Variants in AACS observed in about 807,000 individuals in gnomAD.
The protein encoded by AACS is acetoacetate-CoA ligase.
Under a neutral mutation model 83.1 loss-of-function variants are expected in AACS, and 69 were observed. That is an observed-to-expected ratio of 0.83 (90% CI 0.68 to 1.01). The LOEUF is 1.01. Ranked by LOEUF, AACS falls within the 50% of genes least tolerant of loss-of-function variation. The probability of loss-of-function intolerance (pLI) is 0.00; values close to 1 mark genes in which losing one functional copy is unlikely to be tolerated. For missense variants in AACS, 866 were observed against 882.2 expected (o/e 0.98, Z 0.23); for synonymous variants, 333 against 343.4 (o/e 0.97, Z 0.33).
intron 10 of AACS, chr12:125,123,868 C>G (rs1385820845): frequency 6.6e-6 from 1 of 152,174 alleles, no homozygotes; most frequent in African/African-American, 2.4e-5. Flanking sequence ...ACAGGGCTGC[C>G]CTTGAAAGCG....
rs71092270 is a variant in AACS, at chr12:125,078,820, C to CAAAA, written c.358+2231_358+2234dup. Among the ~76,000 whole-genome samples the CAAAA allele has an allele frequency of 5.4e-4, 28 of 52,044 alleles. 1 individual carries two copies. The highest frequency in any genetic ancestry group is 1.0e-3 in the South Asian group (1 of 976). 34.1% of individuals were successfully genotyped at this position (52,044 alleles called of 152,430 possible). On this transcript the variant is annotated intron_variant, in intron 3 of 17. Coordinates refer to ENST00000316519, the MANE Select transcript of AACS (RefSeq NM_023928.5). Reference sequence around the variant, plus strand: ...TGGGCGACAGAGCAAGACTCCGTCTCAAAAAAAAAAAAAAAAAAAAAAAAA... The same window carrying CAAAA: ...TGGGCGACAGAGCAAGACTCCGTCTCAAAAAAAAAAAAAAAAAAAAAAAAAAAAA...
At chr12:125,102,563 C>T in intron 5 of AACS, 116 bp from the exon 6 acceptor site, 1 of 854,948 alleles carries the variant, frequency 1.2e-6, no homozygotes. Flanking sequence ...CTCCTGGGCT[C>T]AAGCAATCCT....
chr12:125,080,821 A>C (rs1594582719), intron 3 of AACS, among the ~76,000 whole-genome samples: 1 of 151,310 alleles, frequency 6.6e-6, no homozygotes, highest in East Asian at 1.9e-4. Flanking sequence ...CCTCCCGAGT[A>C]GCTGGGACTA....
At chr12:125,111,766 T>G (rs958796400) in intron 8 of AACS, among the ~76,000 whole-genome samples, 2 of 152,194 alleles carry the variant, frequency 1.3e-5, no homozygotes, top group African/African-American at 4.8e-5. Context: ...ATTACTCTCC[T>G]GCGCTGAGAC....
chr12:125,085,501 C>T, intron 3 of AACS, among the ~76,000 whole-genome samples: 1 of 152,062 alleles, frequency 6.6e-6, no homozygotes, highest in Admixed American at 6.5e-5. Context: ...CACGTTGCAT[C>T]CACATGTGTT....
intron 8 of AACS, among the ~76,000 whole-genome samples, chr12:125,109,485 G>T (rs542862370): frequency 6.6e-6 from 1 of 152,280 alleles, no homozygotes; most frequent in South Asian, 2.1e-4. Flanking sequence ...ATATACACAT[G>T]TTGTTATTTT....
chr12:125,112,551 G>GCACA (rs1956975868), intron 8 of AACS, among the ~76,000 whole-genome samples: 1 of 151,956 alleles, frequency 6.6e-6, no homozygotes, highest in Non-Finnish European at 1.5e-5. Flanking sequence ...ATGGTGGTGT[G>GCACA]TGCCTGTAGT....
chr12:125,131,244 C>T (rs923351800), intron 14 of AACS, among the ~76,000 whole-genome samples: 3 of 152,140 alleles, frequency 2.0e-5, no homozygotes, highest in South Asian at 2.1e-4. Context: ...ACAAGGTCTC[C>T]GTCTGGCCCC....
chr12:125,099,254 G>A (rs959046884), intron 5 of AACS, among the ~76,000 whole-genome samples: 4 of 152,130 alleles, frequency 2.6e-5, no homozygotes, highest in African/African-American at 7.2e-5. Context: ...GTCTTTCTCC[G>A]ACTTCTGTAA....
At chr12:125,120,319 C>G (rs964223572) in intron 10 of AACS, 15 of 152,146 alleles carry the variant, frequency 9.9e-5, no homozygotes, top group African/African-American at 3.6e-4. Flanking sequence ...TAGAAGTTGC[C>G]AGAGCTCCAG....
chr12:125,081,273 C>T (rs115557926), intron 3 of AACS, among the ~76,000 whole-genome samples: 1,542 of 152,314 alleles, frequency 0.01, 22 homozygotes, highest in African/African-American at 0.036. Flanking sequence ...GGATTACAGG[C>T]GTGAACCACC....
At chr12:125,086,551 A>C (rs1484849028) in intron 4 of AACS, 108 bp downstream of exon 4, 20 of 1,003,928 alleles carry the variant, frequency 2.0e-5, no homozygotes, top group Non-Finnish European at 2.0e-5. Context: ...GTCATATTAC[A>C]TGGAACCTTG....
chr12:125,109,095 A>G (rs1956895483), intron 8 of AACS, among the ~76,000 whole-genome samples: 1 of 152,032 alleles, frequency 6.6e-6, no homozygotes, highest in Non-Finnish European at 1.5e-5. Context: ...GAATTCTTCC[A>G]TTGTTGACAT....
In AACS at chr12:125,102,674, T is replaced by C; in HGVS notation, c.571-5T>C. On this transcript the variant is annotated splice_polypyrimidine_tract_variant and splice_region_variant and intron_variant, in intron 5 of 17. Coordinates refer to ENST00000316519, the MANE Select transcript of AACS (RefSeq NM_023928.5). ...TCAATGATGACTTTTTCCTCCTGCTTTCAGGGTGTGCTGGACCGGTTTTCT... is the reference window on the plus strand; with the variant it reads ...TCAATGATGACTTTTTCCTCCTGCTCTCAGGGTGTGCTGGACCGGTTTTCT... 1.2e-6 allele frequency: 2 copies of C among 1,613,660 alleles called. No individual in the cohort carries two copies. The highest frequency in any genetic ancestry group is 1.7e-6 in the Non-Finnish European group (2 of 1,179,638).
At position 125,097,131 on chromosome 12, in the gene AACS, G is replaced by A. The variant is rs1003779497; in HGVS notation, c.571-5548G>A. Among the ~76,000 whole-genome samples, 1 of 152,124 alleles carries A rather than the reference G, an allele frequency of 6.6e-6. No homozygotes were observed. Among genetic ancestry groups the A allele is most frequent in the African/African-American group, 2.4e-5 (1 of 41,432 alleles). ...TGCGGAGTAAATGCTGGTGGGACCG[G>A]GGTGCCACCTGCCTGCAGACTCGGC... On this transcript the variant is annotated intron_variant, in intron 5 of 17. Coordinates refer to ENST00000316519, the MANE Select transcript of AACS (RefSeq NM_023928.5). This position sits in a 1 kb window ranked among gnomAD's most constrained non-coding sequence, Gnocchi z 4.3.
chr12:125,118,587 G>A (rs968056309), intron 9 of AACS, 54 bp from the exon 10 acceptor site: 13 of 1,604,734 alleles, frequency 8.1e-6, no homozygotes, highest in African/African-American at 5.3e-5. Context: ...AGGGGGCAGC[G>A]CTGGGGGGAG....
At chr12:125,131,128 G>T (rs955963371) in intron 14 of AACS, among the ~76,000 whole-genome samples, 2 of 152,208 alleles carry the variant, frequency 1.3e-5, no homozygotes, top group Non-Finnish European at 2.9e-5. Context: ...AACAGGCCGT[G>T]TGCTGGTATG....
Position 125,142,379 on chromosome 12 carries a change from G to A in AACS, c.*150G>A. ...TGGGGAGGGATCGTTTCTCTGTTTTGTTAAATCTGGTGGGTACCTGGATCT... is the reference window on the plus strand; with the variant it reads ...TGGGGAGGGATCGTTTCTCTGTTTTATTAAATCTGGTGGGTACCTGGATCT... On this transcript the variant is annotated 3_prime_UTR_variant, in exon 18 of 18. Transcript: ENST00000316519. 1 of 1,124,210 alleles carries A rather than the reference G, an allele frequency of 8.9e-7. No individual in the cohort carries two copies. The highest frequency in any genetic ancestry group is 1.2e-6 in the Non-Finnish European group (1 of 810,798). 69.6% of individuals were successfully genotyped at this position (1,124,210 alleles called of 1,614,324 possible). A position where few individuals can be genotyped will look rare whatever the true frequency, so the allele number is the denominator to read the frequency against.
At chr12:125,122,461 C>T (rs776013715) in intron 10 of AACS, 1 of 151,934 alleles carries the variant, frequency 6.6e-6, no homozygotes, top group African/African-American at 2.4e-5. Context: ...TGGCGAAACC[C>T]CGTCTCTACT....
Sources: gnomAD v4.1 joint callset for allele counts (sites outside exome capture counted in the v4.1 genomes callset) on GRCh38, gnomAD v4.1.1 for gene constraint, Gnocchi (gnomAD v3.1) non-coding constraint, MANE v1.5 for transcripts, NCBI Gene and HGNC (gene_info 2026-07-23, HGNC 2026-07-21) for gene names.